The following PAK1 variants were observed in gnomAD, a reference collection of about 807,000 sequenced individuals.
PAK1 encodes the protein serine/threonine-protein kinase PAK 1.
A neutral mutation model predicts 67.4 loss-of-function variants in PAK1; 29 were observed. That is an observed-to-expected ratio of 0.43 (90% confidence interval 0.32 to 0.59). The LOEUF is 0.59. Ranked by LOEUF, PAK1 falls within the 20% of genes least tolerant of loss-of-function variation. The pLI is 0.07. For missense variants in PAK1, 337 were observed against 670.7 expected, an observed-to-expected ratio of 0.50 and a Z score of 5.50; for synonymous variants, 223 against 237.4, an observed-to-expected ratio of 0.94 and a Z score of 0.56.
chr11:77,337,617 T>A (rs902538325), intron 11 of PAK1, among the ~76,000 whole-genome samples, 194 bp from the exon 12 acceptor site: 8 of 152,202 alleles, frequency 5.3e-5, no homozygotes, highest in African/African-American at 1.9e-4. Context: ...AGCTAAACAT[T>A]CTTTTAACAC....
chr11:77,328,414 A>T (rs952247448), intron 14 of PAK1, among the ~76,000 whole-genome samples: 1 of 152,204 alleles, frequency 6.6e-6, no homozygotes, highest in African/African-American at 2.4e-5. Context: ...ATGTAAAAGA[A>T]CAGAAATTAT....
At chr11:77,467,344 G>GTA (rs763884976) in intron 1 of PAK1, among the ~76,000 whole-genome samples, 47 of 152,236 alleles carry the variant, frequency 3.1e-4, no homozygotes, top group Non-Finnish European at 6.3e-4. Context: ...TCAATGTAGT[G>GTA]TAATTGTCTA....
chr11:77,465,738 C>G (rs528577316), intron 1 of PAK1, among the ~76,000 whole-genome samples: 8 of 151,910 alleles, frequency 5.3e-5, no homozygotes, highest in Non-Finnish European at 1.0e-4. Flanking sequence ...CTGAGGCGGG[C>G]AGTTCACTTG....
chr11:77,342,251 C>T (rs1284752377), intron 10 of PAK1, among the ~76,000 whole-genome samples: 1 of 151,946 alleles, frequency 6.6e-6, no homozygotes, highest in Non-Finnish European at 1.5e-5. Flanking sequence ...TATACCAGAC[C>T]AGGAACTATT....
At chr11:77,361,132 T>C (rs562332324) in intron 5 of PAK1, among the ~76,000 whole-genome samples, 5 of 152,162 alleles carry the variant, frequency 3.3e-5, no homozygotes, top group Admixed American at 6.5e-5. Context: ...TAGAAGAGAA[T>C]AGAGTAAAAA....
At chr11:77,353,383 A>C in intron 8 of PAK1, 153 bp downstream of exon 8, 1 of 589,378 alleles carries the variant, frequency 1.7e-6, no homozygotes, top group Non-Finnish European at 3.1e-6. Flanking sequence ...GCCAAATCTC[A>C]AGTCAGTCTC....
chr11:77,464,994 GTGTGTGTGTGTGTGTGTGTC>G (rs1957528198), intron 1 of PAK1, among the ~76,000 whole-genome samples: 1 of 142,684 alleles, frequency 7.0e-6, no homozygotes, highest in South Asian at 2.2e-4. Flanking sequence ...GAAAGAGTGT[GTGTGTGTGTGTGTGTGTGTC>G]TGTGTGTGTG....
At chr11:77,490,223 A>G in the PAK1 span, among the ~76,000 whole-genome samples, 1 of 126,144 alleles carries the variant, frequency 7.9e-6, no homozygotes, top group East Asian at 2.7e-4. Context: ...CAGCAACCAC[A>G]CTGTCTGGGA....
At chr11:77,514,419 T>C in the PAK1 span, among the ~76,000 whole-genome samples, 4 of 152,064 alleles carry the variant, frequency 2.6e-5, no homozygotes, top group Non-Finnish European at 4.4e-5. Context: ...CACTTGAACC[T>C]GGGAGGCAGA....
At chr11:77,480,027 CAG>C in the PAK1 span, among the ~76,000 whole-genome samples, 2,738 of 152,282 alleles carry the variant, frequency 0.018, 38 homozygotes, top group Middle Eastern at 0.058. Flanking sequence ...TGTTGTTTCT[CAG>C]GACTCTTACA....
At chr11:77,379,216 A>G (rs915964738) in intron 4 of PAK1, 25 bp downstream of exon 4, 5 of 1,564,874 alleles carry the variant, frequency 3.2e-6, no homozygotes, top group Non-Finnish European at 4.3e-6. Flanking sequence ...TCTTGCTGAG[A>G]CTGCCCTGGA....
At chr11:77,437,237 A>C (rs1161347513) in intron 1 of PAK1, among the ~76,000 whole-genome samples, 1 of 152,228 alleles carries the variant, frequency 6.6e-6, no homozygotes, top group Non-Finnish European at 1.5e-5. Context: ...GATTGTAAGT[A>C]TTAAATGAGA....
At chr11:77,389,983 T>C (rs1453578995) in intron 2 of PAK1, among the ~76,000 whole-genome samples, 1 of 152,218 alleles carries the variant, frequency 6.6e-6, no homozygotes, top group Non-Finnish European at 1.5e-5. Context: ...AGCCTATTTA[T>C]AGAGATCAAG....
At chr11:77,525,277 G>A in the PAK1 span, among the ~76,000 whole-genome samples, 1 of 151,906 alleles carries the variant, frequency 6.6e-6, no homozygotes, top group Non-Finnish European at 1.5e-5. Flanking sequence ...GAGCCCTGGA[G>A]GCGGATCACG....
intron 1 of PAK1, among the ~76,000 whole-genome samples, chr11:77,453,335 A>G (rs995173522): frequency 2.1e-4 from 32 of 152,122 alleles, no homozygotes; most frequent in Admixed American, 5.2e-4. Flanking sequence ...GCCTGGGCGA[A>G]AAGAGCAAAA....
intron 9 of PAK1, among the ~76,000 whole-genome samples, chr11:77,345,273 C>G (rs890020181): frequency 1.3e-5 from 2 of 151,688 alleles, no homozygotes; most frequent in African/African-American, 4.8e-5. Flanking sequence ...CAACAAATGT[C>G]TGTAGAAAGG....
At chr11:77,517,731 C>T in the PAK1 span, among the ~76,000 whole-genome samples, 5 of 151,992 alleles carry the variant, frequency 3.3e-5, no homozygotes, top group African/African-American at 1.2e-4. Flanking sequence ...TACAACTCAC[C>T]ATAATGCATA....
At chr11:77,355,586 G>T in intron 7 of PAK1, 82 bp downstream of exon 7, 1 of 1,176,896 alleles carries the variant, frequency 8.5e-7, no homozygotes, top group Non-Finnish European at 1.2e-6. Context: ...CCAGCTGCAT[G>T]GACCAAGCCT....
At chr11:77,489,294 G>A in the PAK1 span, among the ~76,000 whole-genome samples, 1 of 152,182 alleles carries the variant, frequency 6.6e-6, no homozygotes, top group East Asian at 1.9e-4. Context: ...GACTTGTCTT[G>A]TAAGAAATGC....
Sources: gnomAD v4.1 joint callset for allele counts (sites outside exome capture counted in the v4.1 genomes callset) on GRCh38, gnomAD v4.1.1 for gene constraint, MANE v1.5 for transcripts, NCBI Gene and HGNC (gene_info 2026-07-23, HGNC 2026-07-21) for gene names.